The following RAB31 variants were observed in gnomAD, a reference collection of about 807,000 sequenced individuals.
RAB31 encodes the protein RAB31, member RAS oncogene family.
In RAB31, 21 loss-of-function variants were observed where a neutral mutation model predicts 25.6. That is an observed-to-expected ratio of 0.82 (90% CI 0.58 to 1.18). The LOEUF (loss-of-function observed/expected upper bound fraction) is 1.18, where lower values mean the gene tolerates loss of function less well. Ranked by LOEUF, RAB31 falls within the 50% of genes most tolerant of loss-of-function variation. RAB31 has a pLI of 0.00. For synonymous variants in RAB31, 87 were observed against 84.0 expected, an observed-to-expected ratio of 1.04 and a Z score of -0.20; for missense variants, 196 against 250.1, an observed-to-expected ratio of 0.78 and a Z score of 1.46.
At chr18:9,743,735 C>T (rs1377458166) in intron 1 of RAB31, among the ~76,000 whole-genome samples, 2 of 152,256 alleles carry the variant, frequency 1.3e-5, no homozygotes, top group Non-Finnish European at 2.9e-5. Context: ...TTGGCTGAAG[C>T]CACCGCAGCA....
intron 2 of RAB31, among the ~76,000 whole-genome samples, chr18:9,784,752 C>T (rs1386233362): frequency 6.6e-6 from 1 of 151,418 alleles, no homozygotes; most frequent in Admixed American, 6.6e-5. Flanking sequence ...GTGGTTTTGC[C>T]ATGTTGGCCA....
Position 9,766,151 on chromosome 18 carries a change from G to T in RAB31, c.40-9127G>T, listed in dbSNP as rs1460356477. Among the ~76,000 whole-genome samples the T allele has an allele frequency of 6.6e-6, 1 of 152,086 alleles. No individual in the cohort carries two copies. The highest frequency in any genetic ancestry group is 1.5e-5 in the Non-Finnish European group (1 of 67,990). The stretch of plus-strand genomic sequence containing the variant: ...CTGCTCTGAGTTGACCCTGGTTTTG[G>T]GGCTGTAGAAAGGGGAGGAGTAGCC... On this transcript the variant is annotated intron_variant, in intron 1 of 6. Coordinates refer to ENST00000578921, the MANE Select transcript of RAB31 (RefSeq NM_006868.4). The surrounding 1 kb of genome is among the most constrained non-coding windows in gnomAD (Gnocchi z 4.3).
rs1340780225 is a variant in RAB31, at chr18:9,775,376, T to A, written c.119+19T>A. 3.1e-6 allele frequency: 5 copies of A among 1,613,232 alleles called. No individual in the cohort carries two copies. The highest frequency in any genetic ancestry group is 4.2e-6 in the Non-Finnish European group (5 of 1,179,374). ...CTATTGGGTAAGTTCCTGTATGTCA[T>A]TCTCCTTCGCGTTGCTTCCTTTCAC... On this transcript the variant is annotated intron_variant, in intron 2 of 6. Coordinates refer to ENST00000578921, the MANE Select transcript of RAB31 (RefSeq NM_006868.4).
rs565747790 is a variant in RAB31, at chr18:9,854,877, T to G, written c.491-4351T>G. On this transcript the variant is annotated intron_variant, in intron 6 of 6. Coordinates refer to ENST00000578921, the MANE Select transcript of RAB31 (RefSeq NM_006868.4). ...AGCAAACTTGGTCAAGTTACTCATC[T>G]AGATGATTCAGAAAATCAAATCAAG... Among the ~76,000 whole-genome samples, 14 of 152,332 alleles carry G rather than the reference T, an allele frequency of 9.2e-5. No homozygotes were observed. In the East Asian group the frequency reaches 2.5e-3, roughly 27 times the overall value.
chr18:9,850,944 G>T (rs1267424292), intron 6 of RAB31, among the ~76,000 whole-genome samples: 2 of 152,284 alleles, frequency 1.3e-5, no homozygotes, highest in East Asian at 3.9e-4. Context: ...ATTGGAATGG[G>T]GTGTTAATAT....
chr18:9,817,432 C>T (rs1207545059), intron 5 of RAB31, among the ~76,000 whole-genome samples: 2 of 152,036 alleles, frequency 1.3e-5, no homozygotes, highest in Non-Finnish European at 2.9e-5. Context: ...ACAGAACTGC[C>T]CTCAGCTCTG....
At chr18:9,785,772 C>T (rs2068428674) in intron 2 of RAB31, among the ~76,000 whole-genome samples, 1 of 152,156 alleles carries the variant, frequency 6.6e-6, no homozygotes, top group Non-Finnish European at 1.5e-5. Flanking sequence ...TTAAGAATGC[C>T]TGTGTAGGTC....
chr18:9,858,214 C>T (rs557777022), intron 6 of RAB31, among the ~76,000 whole-genome samples: 8 of 152,262 alleles, frequency 5.3e-5, no homozygotes, highest in African/African-American at 1.9e-4. Context: ...ATTGATGGGA[C>T]CTTCAGCAAA....
At chr18:9,817,821 G>A (rs564689705) in intron 5 of RAB31, among the ~76,000 whole-genome samples, 130 of 152,298 alleles carry the variant, frequency 8.5e-4, no homozygotes, top group African/African-American at 2.9e-3. Flanking sequence ...AATTTTCATA[G>A]TGCCCCAGCT....
chr18:9,791,880 G>A (rs974579620), intron 2 of RAB31, among the ~76,000 whole-genome samples: 6 of 152,090 alleles, frequency 3.9e-5, no homozygotes, highest in Non-Finnish European at 7.4e-5. Flanking sequence ...CCGGGATTAC[G>A]GCATGAACCA....
chr18:9,808,847 C>T (rs1460341095), intron 3 of RAB31, among the ~76,000 whole-genome samples: 1 of 152,230 alleles, frequency 6.6e-6, no homozygotes, highest in Non-Finnish European at 1.5e-5. Flanking sequence ...AGGCAGAGCC[C>T]AGCTGGAGCT....
At chr18:9,803,159 G>C (rs1033692433) in intron 3 of RAB31, among the ~76,000 whole-genome samples, 3 of 152,086 alleles carry the variant, frequency 2.0e-5, no homozygotes, top group African/African-American at 7.2e-5. Context: ...TCATGGGAGA[G>C]GATAGAGTAC....
chr18:9,736,876 T>C (rs1323338812), intron 1 of RAB31, among the ~76,000 whole-genome samples: 3 of 152,228 alleles, frequency 2.0e-5, no homozygotes, highest in Non-Finnish European at 4.4e-5. Context: ...GCCCCTGTCA[T>C]TTGAAAAGCT....
chr18:9,794,347 C>T (rs907081320), intron 3 of RAB31, among the ~76,000 whole-genome samples: 2 of 152,058 alleles, frequency 1.3e-5, no homozygotes, highest in Admixed American at 1.3e-4. Flanking sequence ...ACAAAAGTTC[C>T]CATATTTGTA....
intron 1 of RAB31, among the ~76,000 whole-genome samples, chr18:9,753,540 T>G (rs973761559): frequency 6.6e-6 from 1 of 152,168 alleles, no homozygotes; most frequent in African/African-American, 2.4e-5. Flanking sequence ...TCTTTATAAA[T>G]TACTCAGTTT....
chr18:9,807,927 G>A (rs536019829), intron 3 of RAB31, among the ~76,000 whole-genome samples: 9 of 152,178 alleles, frequency 5.9e-5, no homozygotes, highest in East Asian at 1.9e-4. Flanking sequence ...GCAGTGAGCC[G>A]TGGTGGCACC....
At chr18:9,835,207 G>A (rs545450245) in intron 5 of RAB31, among the ~76,000 whole-genome samples, 4 of 152,248 alleles carry the variant, frequency 2.6e-5, no homozygotes, top group African/African-American at 7.2e-5. Flanking sequence ...GTTCTTGACC[G>A]TCATGGTATC....
At chr18:9,725,022 C>G (rs1173275974) in intron 1 of RAB31, among the ~76,000 whole-genome samples, 1 of 152,146 alleles carries the variant, frequency 6.6e-6, no homozygotes, top group East Asian at 1.9e-4. Flanking sequence ...GCTAATCAAG[C>G]AACTCTCTCC....
chr18:9,753,071 G>A (rs2068243537), intron 1 of RAB31, among the ~76,000 whole-genome samples: 1 of 152,150 alleles, frequency 6.6e-6, no homozygotes, highest in African/African-American at 2.4e-5. Context: ...ACTGTGCTGT[G>A]GGATTCTTAT....
Sources: gnomAD v4.1 joint callset for allele counts (sites outside exome capture counted in the v4.1 genomes callset) on GRCh38, gnomAD v4.1.1 for gene constraint, Gnocchi (gnomAD v3.1) non-coding constraint, MANE v1.5 for transcripts, NCBI Gene and HGNC (gene_info 2026-07-23, HGNC 2026-07-21) for gene names.